ZC3HAV1: variants seen among roughly 807,000 people sequenced by gnomAD.
The protein encoded by ZC3HAV1 is zinc finger CCCH-type antiviral protein 1.
ZC3HAV1 carries 41 observed loss-of-function variants against 86.6 expected under a neutral mutation model. That is an observed-to-expected ratio of 0.47 (90% CI 0.37 to 0.61). The LOEUF (loss-of-function observed/expected upper bound fraction) is 0.61, where lower values mean the gene tolerates loss of function less well. Among genes scored for constraint, ZC3HAV1 ranks in the 20% least tolerant of loss-of-function variants. The probability of loss-of-function intolerance (pLI) is 0.00; values close to 1 mark genes in which losing one functional copy is unlikely to be tolerated. For missense variants in ZC3HAV1, 964 were observed against 1,141.1 expected, an observed-to-expected ratio of 0.84 and a Z score of 2.24; for synonymous variants, 421 against 432.1, an observed-to-expected ratio of 0.97 and a Z score of 0.32.
chr7:139,060,753 A>G, intron 9 of ZC3HAV1: 19 of 1,292,576 alleles, frequency 1.5e-5, no homozygotes, highest in Non-Finnish European at 1.9e-5. Context: ...TACTGCATCA[A>G]TCCAGCTCTT....
intron 8 of ZC3HAV1, among the ~76,000 whole-genome samples, chr7:139,063,360 T>C (rs1014145151): frequency 2.0e-5 from 3 of 152,198 alleles, no homozygotes; most frequent in Non-Finnish European, 4.4e-5. Context: ...GCAATTATCA[T>C]GCACATTGAT....
chr7:139,057,663 C>T lies in ZC3HAV1; in HGVS notation c.2097-2368G>A, dbSNP rs374842115. Among the ~76,000 whole-genome samples the T allele has an allele frequency of 2.6e-5, 2 of 76,582 alleles. 1 individual carries two copies. Among genetic ancestry groups the T allele is most frequent in the African/African-American group, 1.2e-4 (2 of 16,184 alleles). The allele number at this position is 76,582 out of a possible 152,430, so 50.2% of individuals were successfully genotyped here. On this transcript the variant is annotated intron_variant, in intron 9 of 12. Coordinates refer to ENST00000242351, the MANE Select transcript of ZC3HAV1 (RefSeq NM_020119.4). ...ACGCCATTCTCCTGCCTCAGCCTCC[C>T]GAGTAGCTGGGACTACAGGCGCCCG...
chr7:139,109,402 CAAG>C lies in ZC3HAV1; in HGVS notation c.-74_-72del, dbSNP rs1321981076. The stretch of plus-strand genomic sequence containing the variant: ...CGCGGAAATCGGAAATCGAAACTTA[CAAG>C]TGTCCAGGGGCGGGCGCGGGCGGTG... On this transcript the variant is annotated 5_prime_UTR_variant, in exon 1 of 13. Coordinates refer to ENST00000242351, the MANE Select transcript of ZC3HAV1 (RefSeq NM_020119.4). The C allele has an allele frequency of 2.7e-6, 4 of 1,461,348 alleles. No individual in the cohort carries two copies. The African/African-American group carries it at 5.6e-5, about 21-fold the overall frequency. The allele number at this position is 1,461,348 out of a possible 1,614,324, so 90.5% of individuals were successfully genotyped here.
At chr7:139,076,760 T>C (rs781475585) in intron 5 of ZC3HAV1, among the ~76,000 whole-genome samples, 1 of 151,718 alleles carries the variant, frequency 6.6e-6, no homozygotes. Context: ...GGCATGGTAG[T>C]GGGTGCCTGT....
At chr7:139,085,873 G>A (rs2130714165) in intron 2 of ZC3HAV1, among the ~76,000 whole-genome samples, 1 of 152,190 alleles carries the variant, frequency 6.6e-6, no homozygotes, top group South Asian at 2.1e-4. Context: ...AATTATCCGG[G>A]TGTGGTGGTG....
chr7:139,050,655 C>T (rs1457317171), intron 12 of ZC3HAV1, among the ~76,000 whole-genome samples: 2 of 152,070 alleles, frequency 1.3e-5, no homozygotes, highest in Non-Finnish European at 2.9e-5. Flanking sequence ...CAGGAATGAG[C>T]CACAGTGCCT....
At position 139,089,706 on chromosome 7, in the gene ZC3HAV1, A is replaced by C. The variant is rs762787024; in HGVS notation, c.362T>G (p.Leu121Arg). The part of the protein sequence containing the change: ...EVLSEENFKV[L>R]KNHELSGLNK... ...CAGTCCAGAGAGTTCGTGATTTTTC[A>C]GGACTTTGAAGTTCTCTTCTGAGAG... The change falls in exon 2 of 13, where the codon CTG becomes CGG. Residue 121 changes from leucine to arginine, a missense_variant. By Grantham distance (102) the Leu-to-Arg change is moderately radical. Transcript: ENST00000242351. 1 of 1,613,184 alleles carries C rather than the reference A, an allele frequency of 6.2e-7. No homozygotes were observed. The highest frequency in any genetic ancestry group is 8.5e-7 in the Non-Finnish European group (1 of 1,179,668).
intron 1 of ZC3HAV1, among the ~76,000 whole-genome samples, chr7:139,099,916 A>AAAAT (rs112469477): frequency 0.045 from 6,736 of 150,048 alleles, 323 homozygotes; most frequent in African/African-American, 0.13. Context: ...GACAGAACAA[A>AAAAT]AAATAAATAA....
intron 7 of ZC3HAV1, among the ~76,000 whole-genome samples, chr7:139,071,714 G>A (rs2130694200): frequency 6.6e-6 from 1 of 152,318 alleles, no homozygotes; most frequent in African/African-American, 2.4e-5. Flanking sequence ...GGCCACCACA[G>A]GAGAGAGAAG....
chr7:139,107,704 G>A (rs1817976048), intron 1 of ZC3HAV1, among the ~76,000 whole-genome samples: 1 of 152,350 alleles, frequency 6.6e-6, no homozygotes, highest in African/African-American at 2.4e-5. Context: ...TCGGGAGGCT[G>A]AGGCAGGAGA....
Position 139,109,370 on chromosome 7 carries a change from T to C in ZC3HAV1, c.-39A>G. 1 of 1,514,878 alleles carries C rather than the reference T, an allele frequency of 6.6e-7. No homozygotes were observed. Among genetic ancestry groups the C allele is most frequent in the Non-Finnish European group, 8.8e-7 (1 of 1,133,220 alleles). 93.8% of individuals were successfully genotyped at this position (1,514,878 alleles called of 1,614,324 possible). Reference sequence around the variant, plus strand: ...TGCTGGCTCTGCCGCGGCGCGGGACTCGGTTCCGCGGAAATCGGAAATCGA... The same window carrying C: ...TGCTGGCTCTGCCGCGGCGCGGGACCCGGTTCCGCGGAAATCGGAAATCGA... On this transcript the variant is annotated 5_prime_UTR_variant, in exon 1 of 13. Transcript: ENST00000242351.
intron 5 of ZC3HAV1, among the ~76,000 whole-genome samples, 153 bp from the exon 6 acceptor site, chr7:139,076,562 T>A (rs10262217): frequency 0.29 from 43,773 of 151,920 alleles, 7,492 homozygotes; most frequent in African/African-American, 0.44. Context: ...GTGTCCATTA[T>A]CCAGGTTCCT....
chr7:139,059,722 T>C (rs1480484771), intron 9 of ZC3HAV1, among the ~76,000 whole-genome samples: 1 of 152,182 alleles, frequency 6.6e-6, no homozygotes, highest in African/African-American at 2.4e-5. Flanking sequence ...AGGCAGTTAG[T>C]GGCAGAAGAT....
Position 139,055,230 on chromosome 7 carries a change from C to A in ZC3HAV1, c.2162G>T (p.Cys721Phe). 6.2e-7 allele frequency: 1 copy of A among 1,613,006 alleles called. No individual in the cohort carries two copies. Among genetic ancestry groups the A allele is most frequent in the Non-Finnish European group, 8.5e-7 (1 of 1,179,384 alleles). Reference sequence around the variant, plus strand: ...CTTATATTTCTTTGAGGATAGGAAGCAAAAGTCCTCCTGAGGACGAAAGGT... The same window carrying A: ...CTTATATTTCTTTGAGGATAGGAAGAAAAAGTCCTCCTGAGGACGAAAGGT... ...TATFRPQEDF[C>F]FLSSKKYKLS... Residue 721 changes from cysteine to phenylalanine, a missense_variant, in exon 10 of 13, where the codon TGC becomes TTC. Physicochemically the swap from Cys to Phe is radical, Grantham distance 205 (BLOSUM62 -2). Transcript: ENST00000242351.
chr7:139,088,374 CATGTA>C (rs1170529440), intron 2 of ZC3HAV1, among the ~76,000 whole-genome samples: 1 of 152,214 alleles, frequency 6.6e-6, no homozygotes, highest in African/African-American at 2.4e-5. Context: ...CTAAGTGTGA[CATGTA>C]ATAATCTCTG....
chr7:139,047,753 A>G lies in ZC3HAV1; in HGVS notation c.2550T>C (p.Phe850=), dbSNP rs1393861876. 1.2e-6 allele frequency: 2 copies of G among 1,614,202 alleles called. No homozygotes were observed. Among genetic ancestry groups the G allele is most frequent in the Non-Finnish European group, 1.7e-6 (2 of 1,180,038 alleles). The change falls in exon 13 of 13, where the codon TTT becomes TTC. Residue 850 remains phenylalanine, a synonymous_variant. Coordinates refer to ENST00000242351, the MANE Select transcript of ZC3HAV1 (RefSeq NM_020119.4). The part of the protein sequence containing the change: ...MFVAQVLVGK[F]TEGNITYTSP... ...TCGTGTACGTTATATTTCCTTCAGT[A>G]AACTTTCCAACCAGAACTTGGGCTA...
At chr7:139,096,528 CATTTGTGACACAAA>C (rs1817592746) in intron 1 of ZC3HAV1, among the ~76,000 whole-genome samples, 1 of 152,168 alleles carries the variant, frequency 6.6e-6, no homozygotes, top group South Asian at 2.1e-4. Flanking sequence ...AATTGTCTAT[CATTTGTGACACAAA>C]GTTTGTGCTC....
At chr7:139,074,127 G>T in intron 6 of ZC3HAV1, 97 bp from the exon 7 acceptor site, 1 of 1,216,494 alleles carries the variant, frequency 8.2e-7, no homozygotes, top group Non-Finnish European at 1.1e-6. Context: ...TAAACTTTCA[G>T]GGCTAAAATA....
intron 1 of ZC3HAV1, among the ~76,000 whole-genome samples, chr7:139,101,060 G>A (rs1308200565): frequency 2.0e-5 from 3 of 152,224 alleles, no homozygotes; most frequent in African/African-American, 7.2e-5. Context: ...GGCCGGGCTG[G>A]TCTCCAGCTC....
Sources: gnomAD v4.1 joint callset for allele counts (sites outside exome capture counted in the v4.1 genomes callset) on GRCh38, gnomAD v4.1.1 for gene constraint, MANE v1.5 for transcripts, NCBI Gene and HGNC (gene_info 2026-07-23, HGNC 2026-07-21) for gene names.